GNG12: variants seen among roughly 807,000 people sequenced by gnomAD.
GNG12 encodes the protein G protein subunit gamma 12, also known as guanine nucleotide-binding protein G(I)/G(S)/G(O) subunit gamma-12.
For missense variants in GNG12, 69 were observed against 83.8 expected (o/e 0.82, Z 0.69); for synonymous variants, 28 against 29.7 (o/e 0.94, Z 0.19).
intron 1 of GNG12, among the ~76,000 whole-genome samples, chr1:67,832,110 G>A (rs1320524411): frequency 6.6e-6 from 1 of 152,202 alleles, no homozygotes; most frequent in Non-Finnish European, 1.5e-5. Context: ...TATAAACTGT[G>A]TCGGCAAAGA....
At chr1:67,814,927 C>A (rs745494955) in intron 1 of GNG12, among the ~76,000 whole-genome samples, 8 of 152,198 alleles carry the variant, frequency 5.3e-5, no homozygotes, top group Non-Finnish European at 5.9e-5. Context: ...CAACAACAGA[C>A]ACACAACAAA....
chr1:67,811,504 G>C (rs963630129), intron 1 of GNG12, among the ~76,000 whole-genome samples: 1 of 152,158 alleles, frequency 6.6e-6, no homozygotes, highest in African/African-American at 2.4e-5. Context: ...CCACAACTAA[G>C]CCACTCTGCA....
At chr1:67,809,860 T>C (rs982312801) in intron 1 of GNG12, among the ~76,000 whole-genome samples, 17 of 152,270 alleles carry the variant, frequency 1.1e-4, no homozygotes, top group Admixed American at 5.2e-4. Flanking sequence ...GAAGACAGTT[T>C]GGCAGTTAAA....
intron 2 of GNG12, among the ~76,000 whole-genome samples, chr1:67,719,213 G>A (rs1048886419): frequency 8.5e-5 from 13 of 152,276 alleles, no homozygotes; most frequent in Middle Eastern, 3.4e-3. Flanking sequence ...CCAATTCTCT[G>A]TCTTCTTCTC....
intron 2 of GNG12, among the ~76,000 whole-genome samples, chr1:67,760,156 T>C (rs140901523): frequency 2.0e-5 from 3 of 152,326 alleles, no homozygotes; most frequent in African/African-American, 7.2e-5. Context: ...TGCATTACAT[T>C]ACTGAAACCA....
chr1:67,726,822 C>T (rs1288246355), intron 2 of GNG12, among the ~76,000 whole-genome samples: 1 of 152,198 alleles, frequency 6.6e-6, no homozygotes, highest in Non-Finnish European at 1.5e-5. Context: ...GTGTTCTCAT[C>T]ATTCTTGTAC....
At chr1:67,745,614 C>T (rs769129058) in intron 2 of GNG12, among the ~76,000 whole-genome samples, 9 of 152,174 alleles carry the variant, frequency 5.9e-5, no homozygotes, top group Non-Finnish European at 1.3e-4. Flanking sequence ...CCTTATTTCA[C>T]AGGGTTGGGG....
intron 2 of GNG12, among the ~76,000 whole-genome samples, chr1:67,747,991 T>C (rs1646516641): frequency 6.6e-6 from 1 of 152,202 alleles, no homozygotes; most frequent in Admixed American, 6.5e-5. Context: ...TTCTATTCAC[T>C]GGGGCAAAGT....
chr1:67,810,719 C>T (rs1646919944), intron 1 of GNG12, among the ~76,000 whole-genome samples: 1 of 152,172 alleles, frequency 6.6e-6, no homozygotes, highest in South Asian at 2.1e-4. Flanking sequence ...AATGACAGGT[C>T]TACAAGGAAG....
intron 2 of GNG12, among the ~76,000 whole-genome samples, chr1:67,758,350 C>A (rs76362576): frequency 0.024 from 3,632 of 152,300 alleles, 158 homozygotes; most frequent in African/African-American, 0.084. Context: ...ACTAATACAC[C>A]TGGAGAAGGA....
In GNG12 at chr1:67,702,389, T is replaced by C. The variant is rs1474715425; in HGVS notation, c.*3062A>G. ...TTGAGAAGGTGGCATTTGAAGAGAA[T>C]ATTTGGCACATCCTCCACTACGTAA... is the stretch of plus-strand genomic sequence containing the variant. On this transcript the variant is annotated 3_prime_UTR_variant, in exon 4 of 4. Coordinates refer to ENST00000370982, the MANE Select transcript of GNG12 (RefSeq NM_018841.6). 2 of 152,176 alleles carry C rather than the reference T, an allele frequency of 1.3e-5. No homozygotes were observed. Among genetic ancestry groups the C allele is most frequent in the Non-Finnish European group, 2.9e-5 (2 of 68,034 alleles). The allele number at this position is 152,176 out of a possible 1,614,324, so 9.4% of individuals were successfully genotyped here.
At chr1:67,814,544 C>T (rs1269942775) in intron 1 of GNG12, among the ~76,000 whole-genome samples, 1 of 152,192 alleles carries the variant, frequency 6.6e-6, no homozygotes, top group Non-Finnish European at 1.5e-5. Flanking sequence ...AATGAATTTA[C>T]ATAAGTGATT....
intron 2 of GNG12, among the ~76,000 whole-genome samples, chr1:67,734,457 T>C (rs925880927): frequency 1.3e-5 from 2 of 152,178 alleles, no homozygotes; most frequent in Non-Finnish European, 2.9e-5. Flanking sequence ...CGCACTAATT[T>C]ACCCCTCACA....
At chr1:67,756,132 A>G (rs375320500) in intron 2 of GNG12, among the ~76,000 whole-genome samples, 1 of 152,212 alleles carries the variant, frequency 6.6e-6, no homozygotes, top group East Asian at 1.9e-4. Context: ...CAACTTCAAA[A>G]GAGTGCAGTA....
intron 2 of GNG12, among the ~76,000 whole-genome samples, chr1:67,774,901 C>T (rs1646695406): frequency 6.6e-6 from 1 of 152,182 alleles, no homozygotes; most frequent in South Asian, 2.1e-4. Flanking sequence ...AAAAGTAGTA[C>T]AAAAGCAATT....
intron 1 of GNG12, among the ~76,000 whole-genome samples, chr1:67,802,058 G>C (rs1646869003): frequency 6.6e-6 from 1 of 152,100 alleles, no homozygotes; most frequent in African/African-American, 2.4e-5. Context: ...GCCAGAGGGA[G>C]AGCAAATCTA....
intron 1 of GNG12, among the ~76,000 whole-genome samples, chr1:67,804,160 A>G (rs1646882021): frequency 1.3e-5 from 2 of 152,218 alleles, no homozygotes; most frequent in South Asian, 4.1e-4. Context: ...AGCTGAGGTC[A>G]CATGGCATGA....
intron 2 of GNG12, among the ~76,000 whole-genome samples, chr1:67,725,792 G>C (rs1172840289): frequency 6.6e-6 from 1 of 152,180 alleles, no homozygotes; most frequent in African/African-American, 2.4e-5. Flanking sequence ...TTGTATTTCA[G>C]AATGTCTCCA....
chr1:67,812,645 T>C (rs1401634057), intron 1 of GNG12, among the ~76,000 whole-genome samples: 3 of 152,184 alleles, frequency 2.0e-5, no homozygotes, highest in African/African-American at 7.2e-5. Context: ...TCTCACTTGG[T>C]GAGAATGAGG....
Sources: allele counts gnomAD v4.1 joint callset (sites outside exome capture counted in the v4.1 genomes callset), GRCh38; gene constraint gnomAD v4.1.1; transcripts MANE v1.5; gene names NCBI Gene and HGNC (gene_info 2026-07-23, HGNC 2026-07-21).